The following PDE4D variants were observed in gnomAD, a reference collection of about 807,000 sequenced individuals.
PDE4D encodes the protein 3',5'-cyclic-AMP phosphodiesterase 4D.
PDE4D carries 24 observed loss-of-function variants against 87.4 expected under a neutral mutation model. The observed-to-expected ratio is 0.27, with a 90% confidence interval of 0.20 to 0.39. The LOEUF is 0.39. Among genes scored for constraint, PDE4D ranks in the 10% least tolerant of loss-of-function variants. PDE4D has a pLI of 1.00. For missense variants in PDE4D, 714 were observed against 1,041.0 expected, an observed-to-expected ratio of 0.69 and a Z score of 4.32; for synonymous variants, 384 against 383.2, an observed-to-expected ratio of 1.00 and a Z score of -0.02.
intron 1 of PDE4D, among the ~76,000 whole-genome samples, chr5:59,283,817 T>C (rs1766317766): frequency 6.6e-6 from 1 of 152,198 alleles, no homozygotes; most frequent in Admixed American, 6.6e-5. Context: ...TTGTTTATTA[T>C]AATTATTATT....
chr5:60,116,741 G>A (rs1199712736), intron 2 of PDE4D, among the ~76,000 whole-genome samples: 1 of 151,936 alleles, frequency 6.6e-6, no homozygotes, highest in African/African-American at 2.4e-5. Context: ...CTTACATTTG[G>A]GAAATTGCAA....
intron 1 of PDE4D, among the ~76,000 whole-genome samples, chr5:59,579,515 AGT>A (rs1823721759): frequency 1.3e-5 from 2 of 152,226 alleles, no homozygotes; most frequent in Admixed American, 1.3e-4. Context: ...TTTTGAAGAA[AGT>A]AATAATTATG....
rs570472534 is a variant in PDE4D at position 59,147,918 on chromosome 5, G to A, written c.808+32677C>T. On this transcript the variant is annotated intron_variant, in intron 5 of 14. Coordinates refer to ENST00000340635, the MANE Select transcript of PDE4D (RefSeq NM_001104631.2). ...TCTCTAGTCTCTATAATCTTTCAAT[G>A]AAGATAACCAGTTACGAATATCTCC... Among the ~76,000 whole-genome samples the A allele has an allele frequency of 5.3e-5, 8 of 152,256 alleles. No homozygotes were observed. The East Asian group carries it at 1.5e-3, about 29-fold the overall frequency.
intron 1 of PDE4D, chr5:59,529,315 A>G: frequency 3.2e-6 from 1 of 311,604 alleles, no homozygotes; most frequent in South Asian, 3.6e-5. Flanking sequence ...TCATTAAAAA[A>G]AGAAAGAAAG....
At position 60,512,521 on chromosome 5, in the gene PDE4D, A is replaced by G. The variant is rs1474799373; in HGVS notation, n.70+9530T>C. 3.3e-5 allele frequency among the ~76,000 whole-genome samples: 5 copies of G among 152,164 alleles called. No homozygotes were observed. In the East Asian group the frequency reaches 9.6e-4, roughly 29 times the overall value. ...TAAAAAAAGAAGTATGGGTTTGTGGATACATTTTTATTCATCCTTTGAGTT... is the reference window on the plus strand; with the variant it reads ...TAAAAAAAGAAGTATGGGTTTGTGGGTACATTTTTATTCATCCTTTGAGTT... On this transcript the variant is annotated intron_variant and non_coding_transcript_variant, in intron 1 of 2. Coordinates refer to the PDE4D transcript ENST00000506510.
chr5:59,975,854 T>C (rs1761266592), intron 3 of PDE4D, among the ~76,000 whole-genome samples: 1 of 152,192 alleles, frequency 6.6e-6, no homozygotes, highest in Admixed American at 6.6e-5. Context: ...CCTGGAACCA[T>C]CTTATTTTGG....
At chr5:59,888,623 T>C (rs1336049630) in intron 1 of PDE4D, among the ~76,000 whole-genome samples, 2 of 152,184 alleles carry the variant, frequency 1.3e-5, no homozygotes, top group Admixed American at 1.3e-4. Flanking sequence ...CAACCTTATG[T>C]CAGTTTTCCA....
chr5:60,250,517 A>T (rs929731751), intron 1 of PDE4D, among the ~76,000 whole-genome samples: 1 of 152,024 alleles, frequency 6.6e-6, no homozygotes, highest in Admixed American at 6.6e-5. Context: ...AATGGACCAC[A>T]TACTACAGTG....
intron 1 of PDE4D, among the ~76,000 whole-genome samples, chr5:59,300,959 T>A (rs944253353): frequency 6.6e-5 from 10 of 152,246 alleles, no homozygotes; most frequent in African/African-American, 2.4e-4. Flanking sequence ...TTATAAAGGA[T>A]ATTGCAAATG....
intron 2 of PDE4D, among the ~76,000 whole-genome samples, chr5:60,165,016 T>A (rs938639754): frequency 6.6e-6 from 1 of 152,178 alleles, no homozygotes; most frequent in Non-Finnish European, 1.5e-5. Context: ...AAATTTTGTA[T>A]CCTTTGACCA....
At chr5:59,359,206 A>T (rs1448278110) in intron 1 of PDE4D, among the ~76,000 whole-genome samples, 3 of 152,174 alleles carry the variant, frequency 2.0e-5, no homozygotes, top group Non-Finnish European at 4.4e-5. Context: ...TGTCAAAAAC[A>T]TTTCTTCCTT....
intron 5 of PDE4D, among the ~76,000 whole-genome samples, chr5:59,095,376 CT>C (rs1283596106): frequency 1.3e-5 from 2 of 151,154 alleles, no homozygotes; most frequent in African/African-American, 4.9e-5. Flanking sequence ...AGACAAAAGC[CT>C]TTCTTGGTAT....
chr5:59,333,643 G>C (rs1777128181), intron 1 of PDE4D, among the ~76,000 whole-genome samples: 1 of 152,094 alleles, frequency 6.6e-6, no homozygotes, highest in African/African-American at 2.4e-5. Context: ...GCTGCTTAAA[G>C]GGCTTCAGAT....
At chr5:60,324,956 A>C (rs1489391962) in intron 1 of PDE4D, among the ~76,000 whole-genome samples, 1 of 152,238 alleles carries the variant, frequency 6.6e-6, no homozygotes, top group Non-Finnish European at 1.5e-5. Flanking sequence ...TGGTAACCCA[A>C]AAGCTGGAAG....
intron 1 of PDE4D, among the ~76,000 whole-genome samples, chr5:60,309,799 A>T (rs1461738637): frequency 6.6e-6 from 1 of 152,204 alleles, no homozygotes; most frequent in South Asian, 2.1e-4. Context: ...TTCTTATAGC[A>T]ATGCTAATTT....
chr5:60,362,075 T>G (rs992757505), intron 1 of PDE4D, among the ~76,000 whole-genome samples: 3 of 152,224 alleles, frequency 2.0e-5, no homozygotes, highest in Non-Finnish European at 4.4e-5. Context: ...TGCTGAAGCT[T>G]GTAATCAGTG....
intron 1 of PDE4D, among the ~76,000 whole-genome samples, chr5:60,195,714 ATACAC>A (rs1741135156): frequency 1.3e-5 from 2 of 151,638 alleles, no homozygotes; most frequent in African/African-American, 4.8e-5. Flanking sequence ...AAATAACACA[ATACAC>A]TAAGTGCTCT....
At chr5:59,426,601 C>T (rs543428156) in intron 1 of PDE4D, among the ~76,000 whole-genome samples, 59 of 152,168 alleles carry the variant, frequency 3.9e-4, no homozygotes, top group African/African-American at 1.3e-3. Flanking sequence ...CCCCTACCAC[C>T]CCACCCTGCC....
At chr5:59,228,483 G>A (rs774761680) in intron 1 of PDE4D, among the ~76,000 whole-genome samples, 1 of 151,192 alleles carries the variant, frequency 6.6e-6, no homozygotes, top group Non-Finnish European at 1.5e-5. Context: ...CCAAGGTAGT[G>A]TTGCGGGGTG....
Sources: gnomAD v4.1 joint callset for allele counts (sites outside exome capture counted in the v4.1 genomes callset) on GRCh38, gnomAD v4.1.1 for gene constraint, MANE v1.5 for transcripts, NCBI Gene and HGNC (gene_info 2026-07-23, HGNC 2026-07-21) for gene names.